PGCKA1: variants seen among roughly 807,000 people sequenced by gnomAD.
PGCKA1 encodes the protein PDCD10 and GCKIII kinases associated 1.
the PGCKA1 span, chr4:37,460,568 T>G: frequency 2.0e-5 from 9 of 453,428 alleles, no homozygotes; most frequent in African/African-American, 1.4e-4. Flanking sequence ...TGGTTTTGAT[T>G]TGCATTTGTC....
chr4:37,590,002 C>A, the PGCKA1 span: 1 of 915,524 alleles, frequency 1.1e-6, no homozygotes, highest in Non-Finnish European at 1.7e-6. Context: ...ATTAAATTAG[C>A]AGGAATCGTA....
At chr4:37,495,655 A>G in the PGCKA1 span, among the ~76,000 whole-genome samples, 1 of 152,176 alleles carries the variant, frequency 6.6e-6, no homozygotes, top group African/African-American at 2.4e-5. Flanking sequence ...TGGGAGTTCA[A>G]CAGTTAGAAC....
At chr4:37,478,985 G>T in the PGCKA1 span, among the ~76,000 whole-genome samples, 27 of 152,202 alleles carry the variant, frequency 1.8e-4, no homozygotes, top group South Asian at 4.6e-3. Context: ...TTCAGTATTG[G>T]CATTAGTAGT....
chr4:37,575,839 C>G, the PGCKA1 span, among the ~76,000 whole-genome samples: 1 of 152,118 alleles, frequency 6.6e-6, no homozygotes, highest in Admixed American at 6.5e-5. Flanking sequence ...TTCCCAGCAC[C>G]ATTTACTGAG....
At chr4:37,554,223 C>T in the PGCKA1 span, among the ~76,000 whole-genome samples, 1 of 152,178 alleles carries the variant, frequency 6.6e-6, no homozygotes, top group Admixed American at 6.5e-5. Flanking sequence ...TGTGAGGCCT[C>T]CCCAGCCACG....
the PGCKA1 span, among the ~76,000 whole-genome samples, chr4:37,515,920 C>T: frequency 6.6e-6 from 1 of 152,188 alleles, no homozygotes; most frequent in Non-Finnish European, 1.5e-5. Flanking sequence ...TCTTAACATA[C>T]ATCATTGCTT....
chr4:37,509,625 A>G, the PGCKA1 span, among the ~76,000 whole-genome samples: 1 of 151,248 alleles, frequency 6.6e-6, no homozygotes, highest in African/African-American at 2.4e-5. Context: ...TGGGAGGTGG[A>G]GGTTGTAGCG....
At chr4:37,547,185 T>C in the PGCKA1 span, among the ~76,000 whole-genome samples, 1 of 151,546 alleles carries the variant, frequency 6.6e-6, no homozygotes, top group East Asian at 1.9e-4. Context: ...GGAACTTGCC[T>C]TCTCCATTCG....
chr4:37,484,218 A>T, the PGCKA1 span, among the ~76,000 whole-genome samples: 1 of 152,200 alleles, frequency 6.6e-6, no homozygotes, highest in Non-Finnish European at 1.5e-5. Flanking sequence ...AAAGAAAAAG[A>T]GGTTTAATGG....
the PGCKA1 span, among the ~76,000 whole-genome samples, chr4:37,538,410 G>A: frequency 6.6e-6 from 1 of 152,216 alleles, no homozygotes; most frequent in Non-Finnish European, 1.5e-5. Flanking sequence ...GGGCATTGGG[G>A]CATCTGCAGA....
At chr4:37,588,803 T>C in the PGCKA1 span, 31 of 1,353,260 alleles carry the variant, frequency 2.3e-5, no homozygotes, top group Middle Eastern at 1.8e-4. Flanking sequence ...CCTACTAATA[T>C]ATCACTCACT....
At chr4:37,506,205 G>A in the PGCKA1 span, among the ~76,000 whole-genome samples, 5 of 151,838 alleles carry the variant, frequency 3.3e-5, no homozygotes, top group South Asian at 4.2e-4. Flanking sequence ...AAGGTTTGTC[G>A]ATTTTGTTTA....
At chr4:37,508,353 T>G in the PGCKA1 span, among the ~76,000 whole-genome samples, 1 of 152,138 alleles carries the variant, frequency 6.6e-6, no homozygotes, top group African/African-American at 2.4e-5. Flanking sequence ...ATTTGCCCTT[T>G]TGAGGCTATT....
chr4:37,508,706 A>ATTTTTTTTTTT, the PGCKA1 span, among the ~76,000 whole-genome samples: 7 of 62,624 alleles, frequency 1.1e-4, no homozygotes, highest in African/African-American at 5.2e-4. Context: ...TTTATTGATC[A>ATTTTTTTTTTT]TTCTTGGGTG....
the PGCKA1 span, among the ~76,000 whole-genome samples, chr4:37,566,723 C>G: frequency 6.6e-6 from 1 of 152,138 alleles, no homozygotes; most frequent in African/African-American, 2.4e-5. Flanking sequence ...AGTTGGACTA[C>G]AGGTGCACCA....
the PGCKA1 span, chr4:37,590,130 C>A: frequency 6.2e-7 from 1 of 1,614,112 alleles, no homozygotes; most frequent in South Asian, 1.1e-5. Context: ...CTGGCTATGT[C>A]AATGAAGTCA....
chr4:37,468,937 A>G, the PGCKA1 span, among the ~76,000 whole-genome samples: 1 of 152,188 alleles, frequency 6.6e-6, no homozygotes, highest in Non-Finnish European at 1.5e-5. Context: ...TTTAAATTGT[A>G]TTAAACTAGG....
chr4:37,501,687 A>G, the PGCKA1 span, among the ~76,000 whole-genome samples: 1 of 152,196 alleles, frequency 6.6e-6, no homozygotes, highest in African/African-American at 2.4e-5. Flanking sequence ...GCTTGTCTGA[A>G]AAAGGTTTCA....
At chr4:37,476,675 G>A in the PGCKA1 span, among the ~76,000 whole-genome samples, 1 of 152,300 alleles carries the variant, frequency 6.6e-6, no homozygotes. Context: ...ACATAGATGG[G>A]ATCGTTGTTG....
Sources: gnomAD v4.1 joint callset for allele counts (sites outside exome capture counted in the v4.1 genomes callset) on GRCh38, gnomAD v4.1.1 for gene constraint, MANE v1.5 for transcripts, NCBI Gene and HGNC (gene_info 2026-07-23, HGNC 2026-07-21) for gene names.